GEMIN2: variants seen among roughly 807,000 people sequenced by gnomAD.
GEMIN2 encodes gem nuclear organelle associated protein 2.
In GEMIN2, 37 loss-of-function variants were observed where a neutral mutation model predicts 45.8. The ratio of observed to expected loss-of-function variants is 0.81; its 90% CI spans 0.62 to 1.06. GEMIN2 has a LOEUF of 1.06. GEMIN2 is among the 50% of genes least tolerant of loss of function. GEMIN2 has a pLI of 0.00. For synonymous variants in GEMIN2, 101 were observed against 111.5 expected, an observed-to-expected ratio of 0.91 and a Z score of 0.60; for missense variants, 335 against 321.8, an observed-to-expected ratio of 1.04 and a Z score of -0.31.
chr14:39,124,230 G>A (rs1280354028), intron 5 of GEMIN2, among the ~76,000 whole-genome samples: 10 of 152,036 alleles, frequency 6.6e-5, no homozygotes, highest in Admixed American at 6.6e-4. Context: ...AGACTCCAAA[G>A]TAGACTTTTA....
In GEMIN2 at chr14:39,133,645, CTTT is replaced by C. The variant is rs77967037; in HGVS notation, c.712-5_712-3del. On this transcript the variant is annotated splice_polypyrimidine_tract_variant and intron_variant, in intron 8 of 9. Transcript: ENST00000308317. ...AGGAACAGACAATATTTAAATTTTT[CTTT>C]TTTTTTTTTTAGGATAGCAAAGATG... The C allele has an allele frequency of 3.3e-4, 380 of 1,148,554 alleles. No individual in the cohort carries two copies. Among genetic ancestry groups the C allele is most frequent in the Admixed American group, 5.6e-4 (22 of 39,454 alleles). 71.1% of individuals were successfully genotyped at this position (1,148,554 alleles called of 1,614,324 possible).
chr14:39,130,874 G>A (rs111925162), intron 7 of GEMIN2, among the ~76,000 whole-genome samples: 240 of 144,942 alleles, frequency 1.7e-3, no homozygotes, highest in Non-Finnish European at 2.5e-3. Context: ...CAGCCTGGAT[G>A]ACAGAACGAG....
rs759420468 is a variant in GEMIN2 at position 39,118,035 on chromosome 14, C to G, written c.259C>G (p.Pro87Ala). ...CCAACCCGCCCCTGAAGGTTATTCC[C>G]CAACACTTCAATGGCAACAGCAACA... is the stretch of plus-strand genomic sequence containing the variant. ...GCQPAPEGYSPTLQWQQQQVA... is the reference protein window; with the variant it reads ...GCQPAPEGYSATLQWQQQQVA... Residue 87 changes from proline (P) to alanine (A), a missense_variant, in exon 3 of 10, where the codon CCA becomes GCA. By Grantham distance (27) the Pro-to-Ala change is conservative. Coordinates refer to ENST00000308317, the MANE Select transcript of GEMIN2 (RefSeq NM_003616.3). 3.5e-5 allele frequency: 56 copies of G among 1,608,326 alleles called. No individual in the cohort carries two copies. Among genetic ancestry groups the G allele is most frequent in the East Asian group, 9.0e-5 (4 of 44,566 alleles).
In GEMIN2 at chr14:39,119,187, C is replaced by T. The variant is rs76773736; in HGVS notation, c.372+588C>T. Among the ~76,000 whole-genome samples the T allele has an allele frequency of 4.1e-4, 62 of 152,200 alleles. No homozygotes were observed. The East Asian group carries it at 0.01, about 25-fold the overall frequency. On this transcript the variant is annotated intron_variant, in intron 4 of 9. Coordinates refer to ENST00000308317, the MANE Select transcript of GEMIN2 (RefSeq NM_003616.3). ...ACATTTACTTTCTAGGAAATAAATA[C>T]ATTTTCAATATTTACAAAAAAAATT...
At chr14:39,116,149 C>T (rs2052502989) in intron 2 of GEMIN2, among the ~76,000 whole-genome samples, 1 of 151,752 alleles carries the variant, frequency 6.6e-6, no homozygotes, top group Non-Finnish European at 1.5e-5. Flanking sequence ...GCTTCTCTTG[C>T]CTCAGCCCCC....
intron 4 of GEMIN2, among the ~76,000 whole-genome samples, chr14:39,119,867 G>A (rs149485256): frequency 9.8e-5 from 15 of 152,304 alleles, no homozygotes; most frequent in East Asian, 1.9e-4. Flanking sequence ...AGAAGCATGC[G>A]CACATAAACA....
chr14:39,125,837 T>G (rs2052633315), intron 6 of GEMIN2, among the ~76,000 whole-genome samples: 1 of 151,812 alleles, frequency 6.6e-6, no homozygotes, highest in African/African-American at 2.4e-5. Flanking sequence ...CTGGCCAACA[T>G]GGTAAAACCC....
chr14:39,121,683 C>A (rs1333496864), intron 4 of GEMIN2, among the ~76,000 whole-genome samples: 1 of 152,114 alleles, frequency 6.6e-6, no homozygotes, highest in Non-Finnish European at 1.5e-5. Context: ...AGTCAAAGAA[C>A]AAGGTGGCAG....
intron 7 of GEMIN2, 75 bp from the exon 8 acceptor site, chr14:39,131,883 T>C: frequency 2.7e-6 from 2 of 745,560 alleles, no homozygotes; most frequent in South Asian, 3.1e-5. Context: ...TAATCAGGCA[T>C]AACATTGGAC....
At chr14:39,127,931 G>A (rs1296615430) in intron 6 of GEMIN2, among the ~76,000 whole-genome samples, 1 of 151,946 alleles carries the variant, frequency 6.6e-6, no homozygotes, top group African/African-American at 2.4e-5. Flanking sequence ...AGCCGGACGT[G>A]GTGGTGCACG....
At chr14:39,122,593 A>G in intron 5 of GEMIN2, 50 bp downstream of exon 5, 1 of 968,424 alleles carries the variant, frequency 1.0e-6, no homozygotes, top group Admixed American at 2.2e-5. Context: ...ATTTTGGTGC[A>G]CCACTTAATA....
intron 8 of GEMIN2, among the ~76,000 whole-genome samples, chr14:39,132,686 TC>T (rs67654055): frequency 0.37 from 22,726 of 61,930 alleles, 3,900 homozygotes; most frequent in East Asian, 0.5. Flanking sequence ...TTTTTTTTTT[TC>T]TTTTATTGTG....
At chr14:39,124,386 T>C (rs1566533196) in intron 5 of GEMIN2, among the ~76,000 whole-genome samples, 2 of 152,140 alleles carry the variant, frequency 1.3e-5, no homozygotes, top group Non-Finnish European at 2.9e-5. Context: ...TTATTGGATA[T>C]ACTTAATAAG....
chr14:39,122,124 CTCTT>C (rs2052580550), intron 4 of GEMIN2: 4 of 253,386 alleles, frequency 1.6e-5, no homozygotes, highest in Non-Finnish European at 1.5e-5. Flanking sequence ...TCCCTGGTGT[CTCTT>C]TGTGAATCCA....
intron 2 of GEMIN2, among the ~76,000 whole-genome samples, chr14:39,115,791 T>C (rs1010148372): frequency 2.0e-5 from 3 of 152,122 alleles, no homozygotes; most frequent in Non-Finnish European, 4.4e-5. Context: ...TCTGGACATT[T>C]TCATTTATTT....
rs901207604 is a variant in GEMIN2 at position 39,122,016 on chromosome 14, C to T, written c.373-414C>T. The T allele has an allele frequency of 7.5e-5, 13 of 173,750 alleles. No individual in the cohort carries two copies. The South Asian group carries it at 8.6e-4, about 12-fold the overall frequency. 10.8% of individuals were successfully genotyped at this position (173,750 alleles called of 1,614,324 possible). A position where few individuals can be genotyped will look rare whatever the true frequency, so the allele number is the denominator to read the frequency against. On this transcript the variant is annotated intron_variant, in intron 4 of 9. Transcript: ENST00000308317. The stretch of plus-strand genomic sequence containing the variant: ...GATTACAGGCGTGAACCACCGCACC[C>T]GGCCTAAGGTTGGTCTCTTCTGAGG...
chr14:39,128,277 TAGG>T lies in GEMIN2; in HGVS notation c.532-2_532del. On this transcript the variant is annotated splice_acceptor_variant and coding_sequence_variant, in exon 7 of 10. Coordinates refer to ENST00000308317, the MANE Select transcript of GEMIN2 (RefSeq NM_003616.3). LOFTEE classifies it high-confidence loss of function. ...CTTCTCCACCCCCTCTTTTTTTTTT[TAGG>T]CAACAGTAACTAGTGTCTTGGAATA... is the stretch of plus-strand genomic sequence containing the variant. 1 of 1,517,398 alleles carries T rather than the reference TAGG, an allele frequency of 6.6e-7. No individual in the cohort carries two copies. The highest frequency in any genetic ancestry group is 1.8e-5 in the Admixed American group (1 of 55,154). 94.0% of individuals were successfully genotyped at this position (1,517,398 alleles called of 1,614,324 possible).
chr14:39,126,050 T>C (rs2052637113), intron 6 of GEMIN2, among the ~76,000 whole-genome samples: 1 of 151,766 alleles, frequency 6.6e-6, no homozygotes, highest in Non-Finnish European at 1.5e-5. Context: ...TTGAAATATA[T>C]GATTTCTTGG....
Position 39,122,744 on chromosome 14 carries a change from A to T in GEMIN2, c.486+201A>T, listed in dbSNP as rs972915022. On this transcript the variant is annotated intron_variant, in intron 5 of 9. Coordinates refer to ENST00000308317, the MANE Select transcript of GEMIN2 (RefSeq NM_003616.3). ...GGCTGAGACTTTATGTGGCCTGCAA[A>T]GCCTAAAATATTTGCTGTCTGACTC... 3.6e-5 allele frequency: 14 copies of T among 388,222 alleles called. No individual in the cohort carries two copies. In the South Asian group the frequency reaches 1.1e-3, roughly 31 times the overall value. The allele number at this position is 388,222 out of a possible 1,614,324, so 24.0% of individuals were successfully genotyped here. A position where few individuals can be genotyped will look rare whatever the true frequency, so the allele number is the denominator to read the frequency against.
Sources: allele counts gnomAD v4.1 joint callset (sites outside exome capture counted in the v4.1 genomes callset), GRCh38; gene constraint gnomAD v4.1.1; transcripts MANE v1.5; gene names NCBI Gene and HGNC (gene_info 2026-07-23, HGNC 2026-07-21).